The following SNRNP70 variants were observed in gnomAD, a reference collection of about 807,000 sequenced individuals.
SNRNP70 encodes the protein small nuclear ribonucleoprotein U1 subunit 70, also known as U1 small nuclear ribonucleoprotein 70 kDa.
SNRNP70 carries 8 observed loss-of-function variants against 50.5 expected under a neutral mutation model. The ratio of observed to expected loss-of-function variants is 0.16; its 90% CI spans 0.09 to 0.29. The LOEUF (loss-of-function observed/expected upper bound fraction) is 0.29. Among genes scored for constraint, SNRNP70 ranks in the 10% least tolerant of loss-of-function variants. The pLI, the probability that SNRNP70 is intolerant of heterozygous loss-of-function variation, is 1.00. For missense variants in SNRNP70, 529 were observed against 663.5 expected, an observed-to-expected ratio of 0.80 and a Z score of 2.23; for synonymous variants, 320 against 252.9, an observed-to-expected ratio of 1.27 and a Z score of -2.52.
chr19:49,090,417 G>C (rs773019177), intron 3 of SNRNP70, 49 bp from the exon 4 acceptor site: 1 of 1,612,978 alleles, frequency 6.2e-7, no homozygotes, highest in African/African-American at 1.3e-5. Flanking sequence ...CTTGACACTA[G>C]GGCACTTCTA....
intron 4 of SNRNP70, among the ~76,000 whole-genome samples, chr19:49,091,215 A>G (rs1314208410): frequency 1.3e-5 from 2 of 152,008 alleles, no homozygotes; most frequent in Non-Finnish European, 2.9e-5. Flanking sequence ...CTAAAAGTAC[A>G]AAAATTAGCT....
chr19:49,086,087 C>T (rs1284886714), intron 1 of SNRNP70, among the ~76,000 whole-genome samples: 1 of 152,228 alleles, frequency 6.6e-6, no homozygotes, highest in Non-Finnish European at 1.5e-5. Flanking sequence ...CTGGGCCTCC[C>T]TCCTCGGGTC....
At chr19:49,087,974 A>C (rs111851782) in intron 2 of SNRNP70, among the ~76,000 whole-genome samples, 1 of 151,946 alleles carries the variant, frequency 6.6e-6, no homozygotes, top group African/African-American at 2.4e-5. Context: ...ATTTTAGCCA[A>C]CTGCAGCCTC....
intron 6 of SNRNP70, among the ~76,000 whole-genome samples, chr19:49,099,768 C>T (rs978418935): frequency 1.1e-4 from 17 of 150,220 alleles, no homozygotes; most frequent in Non-Finnish European, 2.2e-4. Context: ...GTAGGCTGGG[C>T]GTGGTAGCTC....
At position 49,086,339 on chromosome 19, in the gene SNRNP70, G is replaced by T. The variant is rs896182249; in HGVS notation, c.-10-66G>T. ...CTGTCTTTCTTATTTTGAGAGTCAAGGAGTAACAGGGGCTTTCTCTGTGCA... is the reference window on the plus strand; with the variant it reads ...CTGTCTTTCTTATTTTGAGAGTCAATGAGTAACAGGGGCTTTCTCTGTGCA... On this transcript the variant is annotated intron_variant, in intron 1 of 9. Coordinates refer to ENST00000598441, the MANE Select transcript of SNRNP70 (RefSeq NM_003089.6). 1.2e-5 allele frequency: 18 copies of T among 1,491,944 alleles called. No individual in the cohort carries two copies. The Admixed American group carries it at 3.6e-4, about 30-fold the overall frequency. 92.4% of individuals were successfully genotyped at this position (1,491,944 alleles called of 1,614,324 possible). A position where few individuals can be genotyped will look rare whatever the true frequency, so the allele number is the denominator to read the frequency against.
intron 8 of SNRNP70, among the ~76,000 whole-genome samples, chr19:49,106,521 G>T (rs979451890): frequency 6.6e-6 from 1 of 152,210 alleles, no homozygotes; most frequent in African/African-American, 2.4e-5. Flanking sequence ...CCCTGTGCCT[G>T]TGACATGGCA....
At position 49,085,603 on chromosome 19, in the gene SNRNP70, C is replaced by T. The variant is rs1405714491; in HGVS notation, c.-44C>T. ...GGCTGCCGCAGCCGCCGCGAGCCTC[C>T]GGACAGACGCCAGAGCGAGGAGGGC... On this transcript the variant is annotated 5_prime_UTR_variant, in exon 1 of 10. Transcript: ENST00000598441. 4.4e-6 allele frequency: 2 copies of T among 456,058 alleles called. No homozygotes were observed. The highest frequency in any genetic ancestry group is 2.0e-5 in the African/African-American group (1 of 50,190). The allele number at this position is 456,058 out of a possible 1,614,324, so 28.3% of individuals were successfully genotyped here. A position where few individuals can be genotyped will look rare whatever the true frequency, so the allele number is the denominator to read the frequency against.
intron 2 of SNRNP70, 143 bp from the exon 3 acceptor site, chr19:49,090,148 C>A: frequency 1.4e-6 from 1 of 706,188 alleles, no homozygotes; most frequent in South Asian, 1.7e-5. Flanking sequence ...CCCCTCCCTC[C>A]ACTGTGTCAG....
intron 7 of SNRNP70, among the ~76,000 whole-genome samples, chr19:49,101,838 A>G (rs2040591928): frequency 6.6e-6 from 1 of 151,316 alleles, no homozygotes; most frequent in African/African-American, 2.4e-5. Context: ...CCAGGTTGCA[A>G]TGAGGACTGG....
intron 8 of SNRNP70, among the ~76,000 whole-genome samples, chr19:49,105,916 G>T (rs1385564965): frequency 6.6e-6 from 1 of 152,176 alleles, no homozygotes; most frequent in African/African-American, 2.4e-5. Context: ...CTTGTTTCGG[G>T]GTGGGCACAT....
intron 4 of SNRNP70, among the ~76,000 whole-genome samples, chr19:49,096,666 C>G (rs1480109832): frequency 6.6e-6 from 1 of 151,736 alleles, no homozygotes. Context: ...ACTTGGGAGG[C>G]TGAGGCAGGA....
At chr19:49,101,575 T>A (rs961549748) in intron 7 of SNRNP70, 104 bp downstream of exon 7, 3 of 743,306 alleles carry the variant, frequency 4.0e-6, no homozygotes, top group Non-Finnish European at 7.3e-6. Flanking sequence ...CACCTGACAT[T>A]AGCGATGTCT....
chr19:49,105,114 G>A (rs1419211418), intron 8 of SNRNP70, among the ~76,000 whole-genome samples: 2 of 152,044 alleles, frequency 1.3e-5, no homozygotes, highest in East Asian at 1.9e-4. Flanking sequence ...AATGTCACTC[G>A]CTCATCTGCT....
At chr19:49,102,553 G>C (rs547559529) in intron 7 of SNRNP70, 1 of 203,568 alleles carries the variant, frequency 4.9e-6, no homozygotes, top group Admixed American at 5.2e-5. Flanking sequence ...CCCTGCCCCC[G>C]TGCTTTCTAT....
Position 49,107,882 on chromosome 19 carries a change from G to C in SNRNP70, c.753G>C (p.Glu251Asp), listed in dbSNP as rs2040695320. ...AGCGGAGCCGGGAGCGAGACAAGGA[G>C]CGAGAACGGCGACGCTCCCGCTCCC... ...RRERSRERDK[E>D]RERRRSRSRD... Residue 251 changes from glutamate (E) to aspartate (D), a missense_variant, in exon 10 of 10, where the codon GAG (glutamate) becomes GAC (aspartate). Physicochemically the swap from Glu to Asp is conservative, Grantham distance 45. This residue lies in a region of SNRNP70 where 53 missense variants were observed against 78.6 expected (regional missense o/e 0.67). Transcript: ENST00000598441. The surrounding 1 kb of genome is among the most constrained non-coding windows in gnomAD (Gnocchi z 6.0). 2 of 1,551,372 alleles carry C rather than the reference G, an allele frequency of 1.3e-6. No individual in the cohort carries two copies. Among genetic ancestry groups the C allele is most frequent in the Non-Finnish European group, 1.7e-6 (2 of 1,148,388 alleles).
chr19:49,095,163 G>C (rs2040497275), intron 4 of SNRNP70, among the ~76,000 whole-genome samples: 1 of 152,150 alleles, frequency 6.6e-6, no homozygotes, highest in African/African-American at 2.4e-5. Context: ...CACATTTGTG[G>C]CCCCCCCACC....
intron 6 of SNRNP70, among the ~76,000 whole-genome samples, chr19:49,099,277 G>A (rs1404949364): frequency 3.9e-5 from 6 of 152,088 alleles, no homozygotes; most frequent in Admixed American, 6.6e-5. Context: ...TTTCTGATAC[G>A]TCTTTTAAAA....
chr19:49,087,578 T>C (rs1201431592), intron 2 of SNRNP70: 1 of 152,232 alleles, frequency 6.6e-6, no homozygotes, highest in Non-Finnish European at 1.5e-5. Flanking sequence ...TAAATAGGAA[T>C]GAATGACTTA....
rs950039108 is a variant in SNRNP70 at position 49,085,512 on chromosome 19, G to T, written c.-135G>T. On this transcript the variant is annotated 5_prime_UTR_variant, in exon 1 of 10. Coordinates refer to ENST00000598441, the MANE Select transcript of SNRNP70 (RefSeq NM_003089.6). The stretch of plus-strand genomic sequence containing the variant: ...GGCCTGGTGCGCTCGCTTAGCGGGC[G>T]ACGGAATCAGACGGACGTGGACGCC... 2.2e-6 allele frequency: 1 copy of T among 454,924 alleles called. No homozygotes were observed. 28.2% of individuals were successfully genotyped at this position (454,924 alleles called of 1,614,324 possible). A position where few individuals can be genotyped will look rare whatever the true frequency, so the allele number is the denominator to read the frequency against.
Sources: allele counts gnomAD v4.1 joint callset (sites outside exome capture counted in the v4.1 genomes callset), GRCh38; gene constraint gnomAD v4.1.1; regional missense constraint gnomAD v4.1.1; non-coding constraint Gnocchi (gnomAD v3.1); transcripts MANE v1.5; gene names NCBI Gene and HGNC (gene_info 2026-07-23, HGNC 2026-07-21).